MLN: variants seen among roughly 807,000 people sequenced by gnomAD.
MLN encodes motilin.
A neutral mutation model predicts 13.3 loss-of-function variants in MLN; 14 were observed. The observed-to-expected ratio is 1.05, with a 90% confidence interval of 0.69 to 1.64. The LOEUF (loss-of-function observed/expected upper bound fraction) is 1.64, where lower values mean the gene tolerates loss of function less well. Among genes scored for constraint, MLN ranks in the 40% most tolerant of loss-of-function variants. The probability of loss-of-function intolerance (pLI) is 0.00; values close to 1 mark genes in which losing one functional copy is unlikely to be tolerated. For synonymous variants in MLN, 59 were observed against 54.7 expected, an observed-to-expected ratio of 1.08 and a Z score of -0.34; for missense variants, 122 against 142.9, an observed-to-expected ratio of 0.85 and a Z score of 0.75.
At chr6:33,796,135 A>G (rs1209055031) in intron 3 of MLN, among the ~76,000 whole-genome samples, 1 of 151,906 alleles carries the variant, frequency 6.6e-6, no homozygotes, top group Non-Finnish European at 1.5e-5. Flanking sequence ...AATTTTTTGT[A>G]TTTTTAGTAG....
In MLN at chr6:33,801,098, C is replaced by T. The variant is rs1156837998; in HGVS notation, c.66G>A (p.Gln22=). ...TGAAGATGGGGACGAAGGCTTCCGT[C>T]TGGGAGGCCAGCATGGCAGCTACAT... ...VVHVAAMLAS[Q]TEAFVPIFTY... The change falls in exon 2 of 5, where the codon CAG becomes CAA. Residue 22 remains glutamine, a synonymous_variant. Transcript: ENST00000430124. The T allele has an allele frequency of 1.9e-6, 3 of 1,614,026 alleles. No homozygotes were observed. The highest frequency in any genetic ancestry group is 2.5e-6 in the Non-Finnish European group (3 of 1,180,028).
chr6:33,801,483 T>C (rs1374301845), intron 1 of MLN, among the ~76,000 whole-genome samples: 1 of 152,138 alleles, frequency 6.6e-6, no homozygotes, highest in Non-Finnish European at 1.5e-5. Context: ...TCTTCTGGGG[T>C]CAGCTGGACT....
rs1768002822 is a variant in MLN at position 33,799,741 on chromosome 6, A to ATT, written c.118-522_118-521dup. Among the ~76,000 whole-genome samples the ATT allele has an allele frequency of 6.6e-6, 1 of 152,192 alleles. No individual in the cohort carries two copies. Among genetic ancestry groups the ATT allele is most frequent in the Admixed American group, 6.5e-5 (1 of 15,284 alleles). On this transcript the variant is annotated intron_variant, in intron 2 of 4. Transcript: ENST00000430124. This position sits in a 1 kb window ranked among gnomAD's most constrained non-coding sequence, Gnocchi z 4.6. ...TTCATAAAAATCCTGGTGCCTGGCA[A>ATT]TTATGAGGAGAAAAGCCATGGAGCA...
In MLN at chr6:33,801,097, T is replaced by C; in HGVS notation, c.67A>G (p.Thr23Ala). ...VHVAAMLASQTEAFVPIFTYG... is the reference protein window; with the variant it reads ...VHVAAMLASQAEAFVPIFTYG... ...GTGAAGATGGGGACGAAGGCTTCCGTCTGGGAGGCCAGCATGGCAGCTACA... is the reference window on the plus strand; with the variant it reads ...GTGAAGATGGGGACGAAGGCTTCCGCCTGGGAGGCCAGCATGGCAGCTACA... Residue 23 changes from threonine to alanine, a missense_variant, in exon 2 of 5, where the codon ACG becomes GCG. Coordinates refer to ENST00000430124, the MANE Select transcript of MLN (RefSeq NM_002418.3). 6.2e-7 allele frequency: 1 copy of C among 1,614,148 alleles called. No homozygotes were observed.
chr6:33,800,656 C>T (rs1269779832), intron 2 of MLN, among the ~76,000 whole-genome samples: 2 of 152,238 alleles, frequency 1.3e-5, no homozygotes, highest in Admixed American at 1.3e-4. Context: ...TGACATCTCT[C>T]TTTTGTCTTC....
rs1470734565 is a variant in MLN at position 33,801,564 on chromosome 6, C to A, written c.-7-394G>T. ...TTATCAACAGAACTGTGCCCCAAGA[C>A]CCAGAGAGACCTCCCTGCCCCAGTG... On this transcript the variant is annotated intron_variant, in intron 1 of 4. Coordinates refer to ENST00000430124, the MANE Select transcript of MLN (RefSeq NM_002418.3). Among the ~76,000 whole-genome samples, 3 of 152,216 alleles carry A rather than the reference C, an allele frequency of 2.0e-5. No homozygotes were observed. The East Asian group carries it at 5.8e-4, about 29-fold the overall frequency.
chr6:33,795,698 G>A, intron 3 of MLN, 93 bp from the exon 4 acceptor site: 1 of 1,034,304 alleles, frequency 9.7e-7, no homozygotes, highest in Non-Finnish European at 1.5e-6. Flanking sequence ...ACCCTTGGGA[G>A]CCACACCACC....
rs1760889889 is a variant in MLN, at chr6:33,803,244, C to T, written c.-8+709G>A. Among the ~76,000 whole-genome samples the T allele has an allele frequency of 6.6e-6, 1 of 152,070 alleles. No individual in the cohort carries two copies. The highest frequency in any genetic ancestry group is 2.1e-4 in the South Asian group (1 of 4,820). On this transcript the variant is annotated intron_variant, in intron 1 of 4. Coordinates refer to ENST00000430124, the MANE Select transcript of MLN (RefSeq NM_002418.3). This position sits in a 1 kb window ranked among gnomAD's most constrained non-coding sequence, Gnocchi z 4.5. ...CTCCCTTGCAGCACCCCTGGCCGGGCTAGCCTTGCCTCCCCATGTGCTCTC... is the reference window on the plus strand; with the variant it reads ...CTCCCTTGCAGCACCCCTGGCCGGGTTAGCCTTGCCTCCCCATGTGCTCTC...
intron 2 of MLN, 136 bp downstream of exon 2, chr6:33,800,911 C>A (rs1043285331): frequency 4.3e-6 from 3 of 694,720 alleles, no homozygotes; most frequent in Non-Finnish European, 2.6e-6. Flanking sequence ...CCAGTGAAGG[C>A]GTGAAGGTGG....
intron 3 of MLN, among the ~76,000 whole-genome samples, chr6:33,797,746 T>C (rs922538497): frequency 1.4e-4 from 22 of 152,294 alleles, no homozygotes; most frequent in African/African-American, 5.3e-4. Context: ...TATAGCAGCC[T>C]CCTCAGTGGC....
chr6:33,800,942 G>C (rs1051611131), intron 2 of MLN, 105 bp downstream of exon 2: 4 of 858,922 alleles, frequency 4.7e-6, no homozygotes, highest in Non-Finnish European at 7.8e-6. Context: ...GGCTGGAACT[G>C]GGGGTTATCT....
In MLN at chr6:33,803,896, T is replaced by A. The variant is rs2281819; in HGVS notation, c.-8+57A>T. ...GGCTGGCTCTGGCTTGCACCAGCGT[T>A]CTGCTTTAGGGCTTATGCTGACCAC... is the stretch of plus-strand genomic sequence containing the variant. On this transcript the variant is annotated intron_variant, in intron 1 of 4. Coordinates refer to ENST00000430124, the MANE Select transcript of MLN (RefSeq NM_002418.3). This position sits in a 1 kb window ranked among gnomAD's most constrained non-coding sequence, Gnocchi z 4.5. The A allele has an allele frequency of 0.23, 34,379 of 152,380 alleles. 4,135 individuals are homozygous for A. Among genetic ancestry groups the A allele is most frequent in the Admixed American group, 0.32 (4,957 of 15,284 alleles). 9.4% of individuals were successfully genotyped at this position (152,380 alleles called of 1,614,324 possible). A position where few individuals can be genotyped will look rare whatever the true frequency, so the allele number is the denominator to read the frequency against.
In MLN at chr6:33,799,147, G is replaced by C; in HGVS notation, c.192C>G (p.Asp64Glu). ...CTTCTTCCCTGATGGGCTCCGCAGG[G>C]TCTACAGGACCTTCCTCCCCAGACC... is the stretch of plus-strand genomic sequence containing the variant. ...WQRSGEEGPVDPAEPIREEEN... is the reference protein window; with the variant it reads ...WQRSGEEGPVEPAEPIREEEN... The change falls in exon 3 of 5, where the codon GAC becomes GAG. Residue 64 changes from aspartate (D) to glutamate (E), a missense_variant. By Grantham distance (45) the Asp-to-Glu change is conservative. Transcript: ENST00000430124. This position sits in a 1 kb window ranked among gnomAD's most constrained non-coding sequence, Gnocchi z 4.6. 6.2e-7 allele frequency: 1 copy of C among 1,612,356 alleles called. No homozygotes were observed. The highest frequency in any genetic ancestry group is 8.5e-7 in the Non-Finnish European group (1 of 1,178,792).
At chr6:33,802,405 G>A (rs1425813975) in intron 1 of MLN, among the ~76,000 whole-genome samples, 2 of 152,080 alleles carry the variant, frequency 1.3e-5, no homozygotes, top group African/African-American at 2.4e-5. Flanking sequence ...GGATTCTGTC[G>A]GCAGGAGAGG....
chr6:33,796,207 G>A (rs553118895), intron 3 of MLN, among the ~76,000 whole-genome samples: 6 of 152,300 alleles, frequency 3.9e-5, no homozygotes, highest in Middle Eastern at 3.4e-3. Context: ...AGTGCTTTAT[G>A]TATGTTAACC....
At chr6:33,795,028 A>G (rs1291901305) in intron 4 of MLN, among the ~76,000 whole-genome samples, 193 bp from the exon 5 acceptor site, 1 of 152,294 alleles carries the variant, frequency 6.6e-6, no homozygotes, top group Non-Finnish European at 1.5e-5. Context: ...CAGTTTCTCC[A>G]TCACTAACAG....
At chr6:33,795,453 A>G (rs1423450981) in intron 4 of MLN, 50 bp downstream of exon 4, 1 of 1,452,732 alleles carries the variant, frequency 6.9e-7, no homozygotes, top group Non-Finnish European at 9.4e-7. Context: ...TATTAACGCC[A>G]GGGTGGGCGG....
At chr6:33,801,792 C>T (rs1247132001) in intron 1 of MLN, among the ~76,000 whole-genome samples, 2 of 152,244 alleles carry the variant, frequency 1.3e-5, no homozygotes, top group African/African-American at 2.4e-5. Flanking sequence ...GGAACAAGCC[C>T]CCCGCCCCGT....
intron 4 of MLN, 24 bp from the exon 5 acceptor site, chr6:33,794,859 C>G: frequency 6.2e-7 from 1 of 1,613,554 alleles, no homozygotes; most frequent in Non-Finnish European, 8.5e-7. Flanking sequence ...GAGGTTTGCG[C>G]TCAGTACCAT....
Sources: allele counts gnomAD v4.1 joint callset (sites outside exome capture counted in the v4.1 genomes callset), GRCh38; gene constraint gnomAD v4.1.1; non-coding constraint Gnocchi (gnomAD v3.1); transcripts MANE v1.5; gene names NCBI Gene and HGNC (gene_info 2026-07-23, HGNC 2026-07-21).